The following ARMH4 variants were observed in gnomAD, a reference collection of about 807,000 sequenced individuals.
ARMH4 encodes armadillo-like helical domain-containing protein 4.
ARMH4 carries 49 observed loss-of-function variants against 61.9 expected under a neutral mutation model. The observed-to-expected ratio is 0.79, with a 90% CI of 0.63 to 1.00. The LOEUF is 1.00. ARMH4 is among the 50% of genes least tolerant of loss of function. The probability of loss-of-function intolerance (pLI) is 0.00; values close to 1 mark genes in which losing one functional copy is unlikely to be tolerated. For missense variants in ARMH4, 934 were observed against 930.0 expected, an observed-to-expected ratio of 1.00 and a Z score of -0.06; for synonymous variants, 368 against 341.5, an observed-to-expected ratio of 1.08 and a Z score of -0.85.
intron 4 of ARMH4, among the ~76,000 whole-genome samples, chr14:58,130,468 G>A (rs918490137): frequency 6.6e-6 from 1 of 152,166 alleles, no homozygotes; most frequent in Non-Finnish European, 1.5e-5. Context: ...ATGGCTAATT[G>A]AGTGCCCAAA....
At chr14:58,114,907 G>A (rs984421648) in intron 4 of ARMH4, among the ~76,000 whole-genome samples, 6 of 152,094 alleles carry the variant, frequency 3.9e-5, no homozygotes, top group East Asian at 3.9e-4. Context: ...GATTGAAACC[G>A]GCCCCCTAAC....
chr14:58,071,123 A>C (rs1884870596), intron 5 of ARMH4, among the ~76,000 whole-genome samples: 1 of 150,586 alleles, frequency 6.6e-6, no homozygotes, highest in South Asian at 2.1e-4. Flanking sequence ...CAGGCCCCAG[A>C]GTCAAGTAAA....
intron 5 of ARMH4, among the ~76,000 whole-genome samples, chr14:58,066,746 T>C (rs1884718475): frequency 6.6e-6 from 1 of 152,202 alleles, no homozygotes; most frequent in Admixed American, 6.5e-5. Flanking sequence ...TACTTCCAAA[T>C]ACTATATTTC....
intron 2 of ARMH4, among the ~76,000 whole-genome samples, chr14:58,137,524 G>A (rs768068083): frequency 1.3e-5 from 2 of 151,944 alleles, no homozygotes; most frequent in African/African-American, 2.4e-5. Flanking sequence ...TCAGCCTCCC[G>A]AGTAGCTGGG....
intron 4 of ARMH4, among the ~76,000 whole-genome samples, chr14:58,103,959 A>T (rs1886085162): frequency 6.6e-6 from 1 of 152,116 alleles, no homozygotes; most frequent in African/African-American, 2.4e-5. Flanking sequence ...ATAGAATTAT[A>T]AAAAAATGAA....
At chr14:58,077,806 C>T (rs944677521) in intron 5 of ARMH4, among the ~76,000 whole-genome samples, 1 of 152,236 alleles carries the variant, frequency 6.6e-6, no homozygotes, top group African/African-American at 2.4e-5. Context: ...TGCTCCCACA[C>T]ATCCTGTCTC....
intron 5 of ARMH4, among the ~76,000 whole-genome samples, chr14:58,024,777 T>C (rs1882963593): frequency 6.6e-6 from 1 of 152,130 alleles, no homozygotes; most frequent in East Asian, 1.9e-4. Flanking sequence ...TTGCATTAAT[T>C]TCAATATTGT....
intron 5 of ARMH4, among the ~76,000 whole-genome samples, chr14:58,071,202 T>C (rs1232480907): frequency 2.6e-5 from 4 of 151,008 alleles, no homozygotes; most frequent in African/African-American, 9.7e-5. Flanking sequence ...AATAAGGAAC[T>C]TTTGCAATGA....
At chr14:58,081,100 T>TATAAATAAATAAATAAATAAATAA (rs59178433) in intron 5 of ARMH4, among the ~76,000 whole-genome samples, 11 of 148,274 alleles carry the variant, frequency 7.4e-5, no homozygotes, top group African/African-American at 2.5e-4. Context: ...AGACTCTGTC[T>TATAAATAAATAAATAAATAAATAA]ATAAATAAAT....
At chr14:58,078,225 C>T (rs1287473631) in intron 5 of ARMH4, among the ~76,000 whole-genome samples, 1 of 152,222 alleles carries the variant, frequency 6.6e-6, no homozygotes, top group South Asian at 2.1e-4. Flanking sequence ...CCTGTCACAG[C>T]TGCATGTGGC....
chr14:58,052,454 G>C lies in ARMH4; in HGVS notation c.2090-40304C>G, dbSNP rs980432827. On this transcript the variant is annotated intron_variant, in intron 5 of 7. Transcript: ENST00000267485. ...AAATACTAGATTCGAACTGCCTCCT[G>C]ACTTCAGAGCTTTTTATTTTCCGAG... 2.0e-5 allele frequency among the ~76,000 whole-genome samples: 3 copies of C among 151,958 alleles called. 1 individual carries two copies. In the East Asian group the frequency reaches 5.8e-4, roughly 29 times the overall value.
chr14:58,081,380 G>A (rs551886452), intron 5 of ARMH4, among the ~76,000 whole-genome samples: 3 of 152,270 alleles, frequency 2.0e-5, no homozygotes, highest in Non-Finnish European at 4.4e-5. Flanking sequence ...CCAAAGGATT[G>A]TGCTCGCTTG....
At chr14:58,027,305 T>C (rs1197391601) in intron 5 of ARMH4, among the ~76,000 whole-genome samples, 1 of 151,792 alleles carries the variant, frequency 6.6e-6, no homozygotes, top group African/African-American at 2.4e-5. Context: ...GATCTTTTTC[T>C]TTAAGTTGCA....
intron 1 of ARMH4, among the ~76,000 whole-genome samples, chr14:58,148,846 T>TACACACACACAC (rs138826141): frequency 1.4e-5 from 2 of 145,826 alleles, no homozygotes; most frequent in African/African-American, 2.5e-5. Flanking sequence ...CAGAGTTTAT[T>TACACACACACAC]ACACACACAC....
At chr14:58,047,651 T>C (rs1883986681) in intron 5 of ARMH4, among the ~76,000 whole-genome samples, 1 of 152,170 alleles carries the variant, frequency 6.6e-6, no homozygotes, top group Non-Finnish European at 1.5e-5. Flanking sequence ...CCTAGCCACA[T>C]ATACTTTTCA....
chr14:58,040,037 C>T lies in ARMH4; in HGVS notation c.2090-27887G>A, dbSNP rs186841779. On this transcript the variant is annotated intron_variant, in intron 5 of 7. Coordinates refer to ENST00000267485, the MANE Select transcript of ARMH4 (RefSeq NM_001001872.4). ...AAACAGGGAACAAAAACAACAACAA[C>T]GAAAAGGAAATGTAAATGAACACAG... Among the ~76,000 whole-genome samples, 107 of 151,912 alleles carry T rather than the reference C, an allele frequency of 7.0e-4. 1 individual carries two copies. Among genetic ancestry groups the T allele is most frequent in the Non-Finnish European group, 1.2e-3 (84 of 67,986 alleles).
chr14:58,096,069 G>A (rs1885737096), intron 5 of ARMH4, among the ~76,000 whole-genome samples: 2 of 152,156 alleles, frequency 1.3e-5, no homozygotes, highest in African/African-American at 2.4e-5. Context: ...GGAGCGGCCT[G>A]CATCCTCCAA....
intron 5 of ARMH4, among the ~76,000 whole-genome samples, chr14:58,086,641 G>C (rs543854029): frequency 2.6e-5 from 4 of 152,040 alleles, no homozygotes; most frequent in African/African-American, 9.6e-5. Context: ...GAAAATTTCA[G>C]GCCCAGAATG....
At chr14:58,130,472 G>A (rs1340211179) in intron 4 of ARMH4, among the ~76,000 whole-genome samples, 1 of 152,140 alleles carries the variant, frequency 6.6e-6, no homozygotes, top group Non-Finnish European at 1.5e-5. Flanking sequence ...CTAATTGAGT[G>A]CCCAAAAGCT....
Sources: allele counts gnomAD v4.1 joint callset (sites outside exome capture counted in the v4.1 genomes callset), GRCh38; gene constraint gnomAD v4.1.1; transcripts MANE v1.5; gene names NCBI Gene and HGNC (gene_info 2026-07-23, HGNC 2026-07-21).